PLEKHA7: variants seen among roughly 807,000 people sequenced by gnomAD.
The protein encoded by PLEKHA7 is pleckstrin homology domain containing A7, also known as pleckstrin homology domain-containing family A member 7.
In PLEKHA7, 104 loss-of-function variants were observed where a neutral mutation model predicts 170.0. That is an observed-to-expected ratio of 0.61 (90% CI 0.52 to 0.72). The LOEUF (loss-of-function observed/expected upper bound fraction) is 0.72, where lower values mean the gene tolerates loss of function less well. PLEKHA7 is among the 30% of genes least tolerant of loss of function. The probability of loss-of-function intolerance (pLI) is 0.00; values close to 1 mark genes in which losing one functional copy is unlikely to be tolerated. For missense variants in PLEKHA7, 1,615 were observed against 1,671.7 expected, an observed-to-expected ratio of 0.97 and a Z score of 0.59; for synonymous variants, 648 against 660.8, an observed-to-expected ratio of 0.98 and a Z score of 0.30.
chr11:16,820,503 A>G (rs951380078), intron 10 of PLEKHA7, among the ~76,000 whole-genome samples: 3 of 152,146 alleles, frequency 2.0e-5, no homozygotes, highest in African/African-American at 7.2e-5. Flanking sequence ...AGTTAGACAC[A>G]AATGTGCCTC....
At chr11:16,844,127 T>C (rs556111580) in intron 8 of PLEKHA7, among the ~76,000 whole-genome samples, 85 of 152,120 alleles carry the variant, frequency 5.6e-4, no homozygotes, top group African/African-American at 2.0e-3. Context: ...GATACAAGCA[T>C]AGGGAGCCCT....
At chr11:16,790,474 C>T (rs1324802531) in intron 21 of PLEKHA7, 1 of 248,104 alleles carries the variant, frequency 4.0e-6, no homozygotes, top group African/African-American at 2.2e-5. Context: ...GTTTCTGTGT[C>T]TCTAAAATGG....
chr11:16,797,580 A>T (rs1239946566), intron 17 of PLEKHA7, among the ~76,000 whole-genome samples: 2 of 151,962 alleles, frequency 1.3e-5, no homozygotes, highest in Admixed American at 6.6e-5. Flanking sequence ...CACAGTTCTC[A>T]CTCTCTCTCT....
At chr11:16,976,378 T>C (rs1031430515) in intron 3 of PLEKHA7, among the ~76,000 whole-genome samples, 1 of 152,266 alleles carries the variant, frequency 6.6e-6, no homozygotes, top group Non-Finnish European at 1.5e-5. Flanking sequence ...ATTCAATTTC[T>C]AATAGTCTAC....
intron 3 of PLEKHA7, among the ~76,000 whole-genome samples, chr11:16,895,060 A>C (rs1212121547): frequency 6.6e-6 from 1 of 152,034 alleles, no homozygotes; most frequent in Non-Finnish European, 1.5e-5. Context: ...AGGCTTTTTG[A>C]CTCCAGAGGT....
chr11:16,986,977 GC>G (rs1863765035), intron 3 of PLEKHA7, among the ~76,000 whole-genome samples: 1 of 152,182 alleles, frequency 6.6e-6, no homozygotes, highest in South Asian at 2.1e-4. Context: ...ACATTCTCCA[GC>G]CAGTCTTACT....
chr11:16,840,136 G>A (rs1351153694), intron 9 of PLEKHA7, among the ~76,000 whole-genome samples: 5 of 152,150 alleles, frequency 3.3e-5, no homozygotes, highest in Non-Finnish European at 7.3e-5. Context: ...GGGCCCATGG[G>A]GAAGCTCCTA....
chr11:16,826,087 G>T, intron 10 of PLEKHA7, 33 bp downstream of exon 10: 1 of 1,590,296 alleles, frequency 6.3e-7, no homozygotes, highest in Middle Eastern at 1.7e-4. Flanking sequence ...TATCGTGCTC[G>T]TTATAAGCAG....
Position 16,782,128 on chromosome 11 carries a change from C to T in PLEKHA7, c.3793+626G>A, listed in dbSNP as rs113141394. Among the ~76,000 whole-genome samples, 128 of 151,382 alleles carry T rather than the reference C, an allele frequency of 8.5e-4. 1 individual carries two copies. The highest frequency in any genetic ancestry group is 2.8e-3 in the African/African-American group (116 of 41,270). On this transcript the variant is annotated intron_variant, in intron 26 of 26. Coordinates refer to ENST00000531066, the MANE Select transcript of PLEKHA7 (RefSeq NM_001329630.2). The stretch of plus-strand genomic sequence containing the variant: ...ACACACAGACACACAGACACACATA[C>T]ACACACACATAGACACACATTGAGA...
At chr11:17,007,177 A>G (rs1301150224) in intron 3 of PLEKHA7, among the ~76,000 whole-genome samples, 1 of 152,214 alleles carries the variant, frequency 6.6e-6, no homozygotes, top group Non-Finnish European at 1.5e-5. Context: ...GGAGTGGGGC[A>G]TGGTGGTGGC....
intron 3 of PLEKHA7, among the ~76,000 whole-genome samples, chr11:16,942,442 C>G (rs1860757057): frequency 6.6e-6 from 1 of 152,208 alleles, no homozygotes; most frequent in Admixed American, 6.5e-5. Flanking sequence ...TTCAAGTTCA[C>G]TGCTCTGAAC....
intron 12 of PLEKHA7, chr11:16,813,391 T>G: frequency 2.3e-6 from 1 of 431,732 alleles, no homozygotes. Flanking sequence ...AGTCAGCTTG[T>G]CCCCCACTGG....
chr11:16,942,512 T>C (rs376587739), intron 3 of PLEKHA7, among the ~76,000 whole-genome samples: 3 of 152,240 alleles, frequency 2.0e-5, no homozygotes, highest in South Asian at 4.1e-4. Context: ...TCAACTCAGC[T>C]GTTGCTGACG....
At chr11:16,985,744 GGA>G (rs1590788737) in intron 3 of PLEKHA7, among the ~76,000 whole-genome samples, 2 of 152,336 alleles carry the variant, frequency 1.3e-5, no homozygotes. Context: ...GGCTAATGAG[GGA>G]GAGACAGAGA....
chr11:16,886,311 T>C (rs1856097657), intron 3 of PLEKHA7, among the ~76,000 whole-genome samples: 1 of 152,214 alleles, frequency 6.6e-6, no homozygotes, highest in South Asian at 2.1e-4. Flanking sequence ...CTCTCCACAG[T>C]TGTCCACATC....
At chr11:16,795,333 C>T (rs567684846) in intron 17 of PLEKHA7, 10 of 280,062 alleles carry the variant, frequency 3.6e-5, no homozygotes, top group African/African-American at 1.5e-4. Context: ...TAGTCAATTT[C>T]GTAGAGACAG....
intron 3 of PLEKHA7, among the ~76,000 whole-genome samples, chr11:16,904,769 A>T (rs1393089067): frequency 6.6e-6 from 1 of 152,240 alleles, no homozygotes; most frequent in African/African-American, 2.4e-5. Context: ...TACTTTGCAT[A>T]TATTGCTTTC....
At chr11:16,786,434 A>C in intron 23 of PLEKHA7, 47 bp from the exon 24 acceptor site, 2 of 1,533,362 alleles carry the variant, frequency 1.3e-6, no homozygotes, top group Non-Finnish European at 1.7e-6. Flanking sequence ...CTGATTGCTG[A>C]AAGAGCCCGG....
At chr11:16,997,015 G>A (rs1300377071) in intron 3 of PLEKHA7, among the ~76,000 whole-genome samples, 1 of 152,138 alleles carries the variant, frequency 6.6e-6, no homozygotes, top group Non-Finnish European at 1.5e-5. Flanking sequence ...TCCCAGCCTG[G>A]AGCTACCAGG....
Sources: gnomAD v4.1 joint callset for allele counts (sites outside exome capture counted in the v4.1 genomes callset) on GRCh38, gnomAD v4.1.1 for gene constraint, MANE v1.5 for transcripts, NCBI Gene and HGNC (gene_info 2026-07-23, HGNC 2026-07-21) for gene names.